PNPLA8: variants seen among roughly 807,000 people sequenced by gnomAD.
PNPLA8 encodes the protein calcium-independent phospholipase A2-gamma.
A neutral mutation model predicts 76.9 loss-of-function variants in PNPLA8; 39 were observed. The ratio of observed to expected loss-of-function variants is 0.51; its 90% CI spans 0.39 to 0.66. PNPLA8 has a LOEUF of 0.66. Ranked by LOEUF, PNPLA8 falls within the 30% of genes least tolerant of loss-of-function variation. The pLI, the probability that PNPLA8 is intolerant of heterozygous loss-of-function variation, is 0.00. For missense variants in PNPLA8, 887 were observed against 918.0 expected, an observed-to-expected ratio of 0.97 and a Z score of 0.44; for synonymous variants, 301 against 307.9, an observed-to-expected ratio of 0.98 and a Z score of 0.24.
chr7:108,492,878 G>A (rs1598900863), intron 7 of PNPLA8, among the ~76,000 whole-genome samples: 1 of 152,098 alleles, frequency 6.6e-6, no homozygotes, highest in African/African-American at 2.4e-5. Context: ...CATGGCTTTC[G>A]TCCATGTGAC....
chr7:108,519,720 C>CT (rs1598977852), intron 2 of PNPLA8, among the ~76,000 whole-genome samples: 5 of 152,176 alleles, frequency 3.3e-5, no homozygotes, highest in African/African-American at 1.2e-4. Flanking sequence ...AAAGCCCCAT[C>CT]AGAGATCAAC....
chr7:108,517,732 A>ATC (rs1863441873), intron 2 of PNPLA8, among the ~76,000 whole-genome samples: 1 of 152,090 alleles, frequency 6.6e-6, no homozygotes, highest in Non-Finnish European at 1.5e-5. Context: ...AATCCCATAA[A>ATC]CTGGGGAGCT....
chr7:108,483,817 A>C (rs979003606), intron 9 of PNPLA8, among the ~76,000 whole-genome samples: 2 of 152,198 alleles, frequency 1.3e-5, no homozygotes, highest in African/African-American at 4.8e-5. Flanking sequence ...TCTCAAGTAC[A>C]AATTTTAACT....
chr7:108,507,817 T>A, intron 4 of PNPLA8, among the ~76,000 whole-genome samples: 1 of 151,538 alleles, frequency 6.6e-6, no homozygotes, highest in East Asian at 1.9e-4. Flanking sequence ...ATCAAAAAAC[T>A]TATCCACCAT....
chr7:108,523,135 G>A (rs987014309), intron 1 of PNPLA8, among the ~76,000 whole-genome samples: 5 of 152,172 alleles, frequency 3.3e-5, no homozygotes, highest in African/African-American at 1.2e-4. Context: ...AAACAAAACG[G>A]AGAGGCTGGG....
intron 10 of PNPLA8, among the ~76,000 whole-genome samples, chr7:108,477,399 C>T (rs1860077313): frequency 6.6e-6 from 1 of 152,136 alleles, no homozygotes; most frequent in Admixed American, 6.6e-5. Context: ...TAAAAGTCCT[C>T]AGTGGGGAGT....
At chr7:108,500,815 CAGG>C in intron 5 of PNPLA8, among the ~76,000 whole-genome samples, 1 of 152,002 alleles carries the variant, frequency 6.6e-6, no homozygotes, top group Admixed American at 6.6e-5. Context: ...GAGGCTACAG[CAGG>C]AGAACTGATC....
At chr7:108,514,408 G>A in intron 3 of PNPLA8, 28 bp downstream of exon 3, 2 of 1,573,642 alleles carry the variant, frequency 1.3e-6, no homozygotes, top group South Asian at 1.2e-5. Flanking sequence ...AAAAGTAATA[G>A]AACCGAAAAG....
At chr7:108,492,325 A>G (rs894323668) in intron 7 of PNPLA8, among the ~76,000 whole-genome samples, 10 of 152,184 alleles carry the variant, frequency 6.6e-5, no homozygotes, top group Non-Finnish European at 1.2e-4. Flanking sequence ...AATGGACAAG[A>G]TCTTTTGTCT....
At chr7:108,477,775 G>A (rs895682041) in intron 10 of PNPLA8, among the ~76,000 whole-genome samples, 4 of 152,054 alleles carry the variant, frequency 2.6e-5, no homozygotes, top group African/African-American at 9.7e-5. Flanking sequence ...AAGGTGGGAG[G>A]ACTGGTTGAG....
At position 108,505,300 on chromosome 7, in the gene PNPLA8, TTATATATATATATATATATATATATATA is replaced by T. The variant is rs1252347556; in HGVS notation, c.1207-2686_1207-2659del. 1.1e-3 allele frequency among the ~76,000 whole-genome samples: 29 copies of T among 27,586 alleles called. 1 individual carries two copies. Among genetic ancestry groups the T allele is most frequent in the African/African-American group, 3.5e-3 (20 of 5,644 alleles). The allele number at this position is 27,586 out of a possible 152,430, so 18.1% of individuals were successfully genotyped here. On this transcript the variant is annotated intron_variant, in intron 4 of 10. Transcript: ENST00000257694. ...GTTTCAGAAGAAAACACAAGAAAAT[TTATATATATATATATATATATATATATA>T]TATATATATATATATATATATATAT...
intron 4 of PNPLA8, chr7:108,510,789 T>C (rs1342902551): frequency 2.1e-5 from 33 of 1,601,340 alleles, no homozygotes; most frequent in Non-Finnish European, 2.8e-5. Flanking sequence ...ATCATCTGCA[T>C]GGAGGATCTG....
In PNPLA8 at chr7:108,502,629, G is replaced by A; in HGVS notation, c.1220C>T (p.Pro407Leu). Residue 407 changes from proline to leucine, a missense_variant, in exon 5 of 11, where the codon CCA (proline) becomes CTA (leucine). By Grantham distance (98) the Pro-to-Leu change is moderately conservative (BLOSUM62 -3). Coordinates refer to ENST00000257694, the MANE Select transcript of PNPLA8 (RefSeq NM_001256007.3). ...AATTTGTCTCAGTCGTAATAAATAT[G>A]GAATAATTCTTTCCTATATTGAGAG... is the stretch of plus-strand genomic sequence containing the variant. Reference protein sequence around the residue: ...KGVAVKERIIPYLLRLRQIKD... With the variant: ...KGVAVKERIILYLLRLRQIKD... The A allele has an allele frequency of 1.2e-6, 2 of 1,606,220 alleles. No individual in the cohort carries two copies. The highest frequency in any genetic ancestry group is 1.7e-6 in the Non-Finnish European group (2 of 1,174,894).
chr7:108,496,082 A>G (rs1040730133), intron 7 of PNPLA8, among the ~76,000 whole-genome samples: 8 of 152,196 alleles, frequency 5.3e-5, no homozygotes, highest in African/African-American at 1.9e-4. Flanking sequence ...AAAAACAGAA[A>G]AAATTAGCTG....
intron 3 of PNPLA8, 45 bp downstream of exon 3, chr7:108,514,391 T>C: frequency 1.9e-6 from 3 of 1,559,788 alleles, no homozygotes; most frequent in Non-Finnish European, 2.6e-6. Context: ...AACTTATAAA[T>C]TTGACAAAAA....
At chr7:108,483,048 G>A (rs1187423570) in intron 9 of PNPLA8, among the ~76,000 whole-genome samples, 1 of 152,152 alleles carries the variant, frequency 6.6e-6, no homozygotes, top group Non-Finnish European at 1.5e-5. Context: ...GTAGTATTTT[G>A]CAAACCACAG....
intron 8 of PNPLA8, among the ~76,000 whole-genome samples, chr7:108,490,039 T>C (rs1379691145): frequency 6.6e-6 from 1 of 152,246 alleles, no homozygotes; most frequent in Non-Finnish European, 1.5e-5. Flanking sequence ...AGTGGTCCCA[T>C]AAGACTATAA....
At chr7:108,486,887 G>C (rs1309672544) in intron 9 of PNPLA8, among the ~76,000 whole-genome samples, 2 of 151,654 alleles carry the variant, frequency 1.3e-5, no homozygotes, top group African/African-American at 4.8e-5. Flanking sequence ...CGTACTTTAG[G>C]GACTAGAGAA....
chr7:108,512,694 T>C (rs555422146), intron 4 of PNPLA8, among the ~76,000 whole-genome samples: 3 of 152,316 alleles, frequency 2.0e-5, no homozygotes, highest in South Asian at 4.1e-4. Context: ...TGACACGTTA[T>C]ATGCAATTTG....
Sources: gnomAD v4.1 joint callset for allele counts (sites outside exome capture counted in the v4.1 genomes callset) on GRCh38, gnomAD v4.1.1 for gene constraint, MANE v1.5 for transcripts, NCBI Gene and HGNC (gene_info 2026-07-23, HGNC 2026-07-21) for gene names.